The following CLSTN1 variants were observed in gnomAD, a reference collection of about 807,000 sequenced individuals.
The protein encoded by CLSTN1 is calsyntenin 1.
A neutral mutation model predicts 108.3 loss-of-function variants in CLSTN1; 28 were observed. That is an observed-to-expected ratio of 0.26 (90% CI 0.19 to 0.35). The LOEUF is 0.35. Ranked by LOEUF, CLSTN1 falls within the 10% of genes least tolerant of loss-of-function variation. CLSTN1 has a pLI of 1.00. For missense variants in CLSTN1, 1,157 were observed against 1,302.6 expected (o/e 0.89, Z 1.72); for synonymous variants, 524 against 534.9 (o/e 0.98, Z 0.28).
At chr1:9,732,014 G>C (rs906282924) in intron 16 of CLSTN1, 118 bp from the exon 17 acceptor site, 13 of 1,158,086 alleles carry the variant, frequency 1.1e-5, no homozygotes, top group Non-Finnish European at 1.5e-5. Flanking sequence ...CTGGACCGCA[G>C]CTGGGGGCAA....
intron 1 of CLSTN1, among the ~76,000 whole-genome samples, chr1:9,786,379 T>G (rs906680527): frequency 6.6e-6 from 1 of 152,040 alleles, no homozygotes; most frequent in African/African-American, 2.4e-5. Context: ...CGGTGGCTCA[T>G]GCCTGTAATC....
rs947358758 is a variant in CLSTN1 at position 9,801,585 on chromosome 1, G to A, written c.91+22058C>T. Among the ~76,000 whole-genome samples the A allele has an allele frequency of 3.3e-5, 5 of 152,092 alleles. No homozygotes were observed. In the South Asian group the frequency reaches 6.2e-4, roughly 19 times the overall value. On this transcript the variant is annotated intron_variant, in intron 1 of 18. Transcript: ENST00000377298. ...TTTGTTTTTGTTGAGACAGAGTTTC[G>A]CTCTTGTTGCCCAGGCTGGAGCGCA...
chr1:9,801,936 C>T (rs950213522), intron 1 of CLSTN1, among the ~76,000 whole-genome samples: 2 of 152,086 alleles, frequency 1.3e-5, no homozygotes, highest in African/African-American at 2.4e-5. Context: ...AACACAGATG[C>T]AAAAACCCTC....
chr1:9,778,041 A>C (rs571094659), intron 1 of CLSTN1, among the ~76,000 whole-genome samples: 1 of 152,230 alleles, frequency 6.6e-6, no homozygotes, highest in East Asian at 1.9e-4. Flanking sequence ...CCTGGGCTCC[A>C]AAGGGCCCGC....
chr1:9,792,617 G>A (rs746345217), intron 1 of CLSTN1, among the ~76,000 whole-genome samples: 2 of 151,356 alleles, frequency 1.3e-5, no homozygotes, highest in Non-Finnish European at 2.9e-5. Flanking sequence ...GTCGGGTGTC[G>A]GGAACCATGC....
chr1:9,814,674 C>T (rs747280550), intron 1 of CLSTN1, among the ~76,000 whole-genome samples: 1 of 152,116 alleles, frequency 6.6e-6, no homozygotes, highest in Non-Finnish European at 1.5e-5. Flanking sequence ...CTTTGGAGGG[C>T]CAAAAAGGGC....
intron 2 of CLSTN1, among the ~76,000 whole-genome samples, chr1:9,758,349 T>C (rs1296709417): frequency 2.0e-5 from 3 of 151,666 alleles, no homozygotes; most frequent in Non-Finnish European, 4.4e-5. Flanking sequence ...AGTCTCACTC[T>C]GTTGCCCAGG....
intron 2 of CLSTN1, among the ~76,000 whole-genome samples, chr1:9,757,133 T>G (rs1651853953): frequency 6.6e-6 from 1 of 152,016 alleles, no homozygotes; most frequent in African/African-American, 2.4e-5. Context: ...TACATCTATT[T>G]GTTATTTTGC....
chr1:9,790,041 T>C (rs1653690787), intron 1 of CLSTN1, among the ~76,000 whole-genome samples: 1 of 151,488 alleles, frequency 6.6e-6, no homozygotes, highest in African/African-American at 2.4e-5. Context: ...AATTTCACAA[T>C]TATTTAATAT....
At chr1:9,815,418 C>A (rs890848020) in intron 1 of CLSTN1, among the ~76,000 whole-genome samples, 1 of 152,046 alleles carries the variant, frequency 6.6e-6, no homozygotes, top group Non-Finnish European at 1.5e-5. Flanking sequence ...AGTCTAAAGT[C>A]CAGAGTAGAA....
At chr1:9,763,430 G>A (rs1175933512) in intron 2 of CLSTN1, among the ~76,000 whole-genome samples, 1 of 152,192 alleles carries the variant, frequency 6.6e-6, no homozygotes, top group Admixed American at 6.6e-5. Context: ...ATTCTGACTT[G>A]GTGGTTCTAG....
At chr1:9,764,028 AG>A (rs1285735686) in intron 2 of CLSTN1, among the ~76,000 whole-genome samples, 1 of 152,006 alleles carries the variant, frequency 6.6e-6, no homozygotes, top group African/African-American at 2.4e-5. Context: ...GCATCTGATG[AG>A]GGCCTCAGGC....
Position 9,735,576 on chromosome 1 carries a change from C to T in CLSTN1, c.1774G>A (p.Gly592Arg). Residue 592 changes from glycine (G) to arginine (R), a missense_variant, in exon 13 of 19, where the codon GGA becomes AGA. Coordinates refer to ENST00000377298, the MANE Select transcript of CLSTN1 (RefSeq NM_001009566.3). ...TTATCCAATTCCCCGAGGTCTTCTC[C>T]CTCCAAGGTCAATACCAACTGGCTG... ...HPSQLVLTLEGEDLGELDKAM... is the reference protein window; with the variant it reads ...HPSQLVLTLEREDLGELDKAM... 3 of 1,614,120 alleles carry T rather than the reference C, an allele frequency of 1.9e-6. No individual in the cohort carries two copies. Among genetic ancestry groups the T allele is most frequent in the South Asian group, 2.2e-5 (2 of 91,078 alleles).
chr1:9,743,633 G>C (rs1651090786), intron 9 of CLSTN1, among the ~76,000 whole-genome samples: 1 of 151,970 alleles, frequency 6.6e-6, no homozygotes, highest in Admixed American at 6.6e-5. Flanking sequence ...TTACAGCCTT[G>C]ACCTCCTGGG....
At chr1:9,751,406 G>A (rs1415881978) in intron 5 of CLSTN1, 67 bp downstream of exon 5, 1 of 1,460,920 alleles carries the variant, frequency 6.8e-7, no homozygotes, top group African/African-American at 1.4e-5. Context: ...CAGAAGCTGG[G>A]GTGTAAAGTC....
intron 3 of CLSTN1, among the ~76,000 whole-genome samples, chr1:9,755,719 G>GA (rs1320486615): frequency 6.6e-6 from 1 of 151,940 alleles, no homozygotes; most frequent in Admixed American, 6.6e-5. Context: ...GGACCAGAGA[G>GA]AAGCTAAAAC....
intron 11 of CLSTN1, among the ~76,000 whole-genome samples, chr1:9,736,784 C>T (rs1296116287): frequency 1.3e-5 from 2 of 152,110 alleles, no homozygotes; most frequent in Non-Finnish European, 1.5e-5. Context: ...TTCTAAGAAA[C>T]GGCTATTTGC....
chr1:9,740,962 C>A lies in CLSTN1; in HGVS notation c.1519+132G>T, dbSNP rs567566100. ...GCAGTGTCCCCAAAAAGGCTGTACACAGGAAATGGAAGGAAAAGATCCAGG... is the reference window on the plus strand; with the variant it reads ...GCAGTGTCCCCAAAAAGGCTGTACAAAGGAAATGGAAGGAAAAGATCCAGG... On this transcript the variant is annotated intron_variant, in intron 10 of 18. Transcript: ENST00000377298. 6.9e-6 allele frequency: 7 copies of A among 1,015,140 alleles called. No individual in the cohort carries two copies. In the Admixed American group the frequency reaches 1.8e-4, roughly 26 times the overall value. 62.9% of individuals were successfully genotyped at this position (1,015,140 alleles called of 1,614,324 possible).
At chr1:9,748,668 T>G (rs1651401484) in intron 7 of CLSTN1, among the ~76,000 whole-genome samples, 1 of 152,106 alleles carries the variant, frequency 6.6e-6, no homozygotes, top group Admixed American at 6.5e-5. Flanking sequence ...TTGTTTTTTT[T>G]GTAGAGACAG....
Sources: gnomAD v4.1 joint callset for allele counts (sites outside exome capture counted in the v4.1 genomes callset) on GRCh38, gnomAD v4.1.1 for gene constraint, MANE v1.5 for transcripts, NCBI Gene and HGNC (gene_info 2026-07-23, HGNC 2026-07-21) for gene names.